NEGR1: variants seen among roughly 807,000 people sequenced by gnomAD.
NEGR1 encodes neuronal growth regulator 1.
A neutral mutation model predicts 40.9 loss-of-function variants in NEGR1; 10 were observed. The ratio of observed to expected loss-of-function variants is 0.24; its 90% CI spans 0.15 to 0.42. The LOEUF (loss-of-function observed/expected upper bound fraction) is 0.42, where lower values mean the gene tolerates loss of function less well. Ranked by LOEUF, NEGR1 falls within the 10% of genes least tolerant of loss-of-function variation. The pLI is 1.00. For synonymous variants in NEGR1, 185 were observed against 166.8 expected (o/e 1.11, Z -0.84); for missense variants, 352 against 438.9 (o/e 0.80, Z 1.77).
At chr1:72,014,584 T>C (rs185102604) in intron 1 of NEGR1, among the ~76,000 whole-genome samples, 221 of 152,164 alleles carry the variant, frequency 1.5e-3, no homozygotes, top group African/African-American at 4.3e-3. Flanking sequence ...GCATAACATG[T>C]AAAAGTTATT....
chr1:71,871,994 C>A (rs1254893884), intron 2 of NEGR1, among the ~76,000 whole-genome samples: 1 of 152,120 alleles, frequency 6.6e-6, no homozygotes, highest in African/African-American at 2.4e-5. Context: ...AGCAGACCAA[C>A]CTTGGACTTT....
intron 1 of NEGR1, among the ~76,000 whole-genome samples, chr1:72,248,578 A>ATTTAT (rs201525559): frequency 7.7e-6 from 1 of 129,658 alleles, no homozygotes; most frequent in Non-Finnish European, 1.6e-5. Flanking sequence ...ATTTTTATTT[A>ATTTAT]TTATTATTAT....
chr1:71,674,794 C>T (rs1022983049), intron 4 of NEGR1, among the ~76,000 whole-genome samples: 2 of 152,020 alleles, frequency 1.3e-5, no homozygotes, highest in African/African-American at 4.8e-5. Context: ...CTTCTCTGAA[C>T]ATGTTATGTA....
At chr1:71,691,929 T>C (rs1653296805) in intron 4 of NEGR1, among the ~76,000 whole-genome samples, 1 of 151,708 alleles carries the variant, frequency 6.6e-6, no homozygotes. Flanking sequence ...TTAAACTCCA[T>C]CAGGGCTAAG....
intron 2 of NEGR1, among the ~76,000 whole-genome samples, chr1:71,925,748 A>G (rs2101887198): frequency 6.6e-6 from 1 of 151,674 alleles, no homozygotes; most frequent in East Asian, 2.0e-4. Flanking sequence ...AAGAAAAATT[A>G]TTTCATAGAT....
At chr1:71,424,730 A>T (rs1191438426) in intron 6 of NEGR1, among the ~76,000 whole-genome samples, 1 of 152,190 alleles carries the variant, frequency 6.6e-6, no homozygotes, top group Non-Finnish European at 1.5e-5. Flanking sequence ...AATGCAGGTG[A>T]CTTTCAGAAG....
chr1:72,013,571 A>C (rs1646679836), intron 1 of NEGR1, among the ~76,000 whole-genome samples: 1 of 152,142 alleles, frequency 6.6e-6, no homozygotes, highest in Admixed American at 6.6e-5. Context: ...TTATGACAGT[A>C]AATAAGCATA....
chr1:71,648,815 T>C (rs1238655926), intron 4 of NEGR1, among the ~76,000 whole-genome samples: 1 of 152,044 alleles, frequency 6.6e-6, no homozygotes, highest in Non-Finnish European at 1.5e-5. Context: ...TTTGGAAACT[T>C]ACATGTCTCT....
intron 6 of NEGR1, among the ~76,000 whole-genome samples, chr1:71,588,054 G>A (rs1007159058): frequency 6.6e-6 from 1 of 152,036 alleles, no homozygotes; most frequent in African/African-American, 2.4e-5. Flanking sequence ...GAGAAACAAA[G>A]CGTGTACAAC....
chr1:71,731,515 C>A (rs918492910), intron 3 of NEGR1, among the ~76,000 whole-genome samples: 1 of 152,144 alleles, frequency 6.6e-6, no homozygotes, highest in African/African-American at 2.4e-5. Context: ...AGAACTATTG[C>A]TAATAGAGAT....
At chr1:72,046,371 T>C (rs1647002333) in intron 1 of NEGR1, among the ~76,000 whole-genome samples, 1 of 151,644 alleles carries the variant, frequency 6.6e-6, no homozygotes, top group African/African-American at 2.4e-5. Context: ...AATTTTAAAA[T>C]ATTTTTTGAG....
At chr1:71,570,641 G>A (rs1000215228) in intron 6 of NEGR1, among the ~76,000 whole-genome samples, 3 of 100,288 alleles carry the variant, frequency 3.0e-5, no homozygotes, top group Non-Finnish European at 6.8e-5. Context: ...TTTATACTGG[G>A]TCCTTATTAT....
At position 71,643,916 on chromosome 1, in the gene NEGR1, T is replaced by C. The variant is rs143454215; in HGVS notation, c.668-32770A>G. 3.6e-3 allele frequency among the ~76,000 whole-genome samples: 553 copies of C among 152,122 alleles called. 3 individuals carry two copies. Among genetic ancestry groups the C allele is most frequent in the Middle Eastern group, 0.014 (4 of 294 alleles). On this transcript the variant is annotated intron_variant, in intron 4 of 6. Coordinates refer to ENST00000357731, the MANE Select transcript of NEGR1 (RefSeq NM_173808.3). ...ATGAACAATAAACAATTGATGGCAG[T>C]TTTTATTACTTCTAGAAAGTATGAT...
At chr1:72,222,346 C>A (rs1388006034) in intron 1 of NEGR1, among the ~76,000 whole-genome samples, 1 of 152,148 alleles carries the variant, frequency 6.6e-6, no homozygotes, top group Non-Finnish European at 1.5e-5. Flanking sequence ...CATTAGCCAG[C>A]CTACTCAAAA....
chr1:71,412,893 A>C (rs1344345340), intron 6 of NEGR1, among the ~76,000 whole-genome samples: 1 of 152,232 alleles, frequency 6.6e-6, no homozygotes, highest in African/African-American at 2.4e-5. Flanking sequence ...AGAGAAAATA[A>C]AATAGAGTAT....
At position 72,239,643 on chromosome 1, in the gene NEGR1, A is replaced by AT. The variant is rs1166306138; in HGVS notation, c.176+42675_176+42676insA. On this transcript the variant is annotated intron_variant, in intron 1 of 6. Transcript: ENST00000357731. ...AAAGTTTCTCAATATAACGATAAAAAATATATTACAGGATAAACCATTTAA... is the reference window on the plus strand; with the variant it reads ...AAAGTTTCTCAATATAACGATAAAAATATATATTACAGGATAAACCATTTAA... Among the ~76,000 whole-genome samples, 3 of 151,758 alleles carry AT rather than the reference A, an allele frequency of 2.0e-5. No homozygotes were observed. The East Asian group carries it at 5.8e-4, about 29-fold the overall frequency.
chr1:71,947,313 T>A (rs957550231), intron 1 of NEGR1, among the ~76,000 whole-genome samples: 1 of 151,972 alleles, frequency 6.6e-6, no homozygotes, highest in Non-Finnish European at 1.5e-5. Flanking sequence ...AAGTCCAGAA[T>A]GAATTCTTCC....
chr1:71,853,682 GCTTT>G (rs1156907728), intron 2 of NEGR1, among the ~76,000 whole-genome samples: 1 of 152,026 alleles, frequency 6.6e-6, no homozygotes, highest in African/African-American at 2.4e-5. Flanking sequence ...GAATTTACAG[GCTTT>G]CTGTCCACAA....
intron 2 of NEGR1, among the ~76,000 whole-genome samples, chr1:71,803,267 C>A (rs545427307): frequency 1.3e-4 from 20 of 152,182 alleles, no homozygotes; most frequent in African/African-American, 4.8e-4. Flanking sequence ...GAGGACACAA[C>A]CAGAATGTGG....
Sources: gnomAD v4.1 joint callset for allele counts (sites outside exome capture counted in the v4.1 genomes callset) on GRCh38, gnomAD v4.1.1 for gene constraint, MANE v1.5 for transcripts, NCBI Gene and HGNC (gene_info 2026-07-23, HGNC 2026-07-21) for gene names.